Variants in MAGI3 observed in about 807,000 individuals in gnomAD.
MAGI3 encodes membrane-associated guanylate kinase, WW and PDZ domain-containing protein 3.
MAGI3 carries 43 observed loss-of-function variants against 121.8 expected under a neutral mutation model. That is an observed-to-expected ratio of 0.35 (90% CI 0.28 to 0.46). MAGI3 has a LOEUF of 0.46. Ranked by LOEUF, MAGI3 falls within the 20% of genes least tolerant of loss-of-function variation. MAGI3 has a pLI of 1.00. For synonymous variants in MAGI3, 553 were observed against 639.3 expected (o/e 0.86, Z 2.04); for missense variants, 1,547 against 1,797.3 (o/e 0.86, Z 2.52).
intron 1 of MAGI3, among the ~76,000 whole-genome samples, chr1:113,436,140 A>G (rs970610948): frequency 6.6e-6 from 1 of 152,170 alleles, no homozygotes; most frequent in South Asian, 2.1e-4. Context: ...ATTATAAATT[A>G]TCTTAACTAC....
intron 1 of MAGI3, among the ~76,000 whole-genome samples, chr1:113,462,485 A>G (rs534328344): frequency 1.3e-5 from 2 of 152,300 alleles, no homozygotes; most frequent in African/African-American, 4.8e-5. Context: ...GCATGTTCAC[A>G]CTTACAAGTG....
chr1:113,550,114 TAAA>T (rs746718813), intron 2 of MAGI3, among the ~76,000 whole-genome samples: 2 of 70,280 alleles, frequency 2.8e-5, no homozygotes, highest in Non-Finnish European at 2.9e-5. Flanking sequence ...ATACTCTGTC[TAAA>T]AAAAAAAAAA....
intron 9 of MAGI3, among the ~76,000 whole-genome samples, chr1:113,625,454 G>A (rs140899890): frequency 9.9e-5 from 15 of 152,194 alleles, no homozygotes; most frequent in African/African-American, 3.6e-4. Flanking sequence ...AATCTTATTT[G>A]TGGCTATTGT....
chr1:113,452,887 C>A (rs1383602522), intron 1 of MAGI3, among the ~76,000 whole-genome samples: 1 of 152,098 alleles, frequency 6.6e-6, no homozygotes, highest in Admixed American at 6.5e-5. Flanking sequence ...TTTCTTCCTT[C>A]AGTATCCCCA....
intron 1 of MAGI3, among the ~76,000 whole-genome samples, chr1:113,524,255 G>A (rs1009282658): frequency 2.6e-5 from 4 of 152,192 alleles, no homozygotes; most frequent in African/African-American, 9.7e-5. Flanking sequence ...TGTGGGGTGG[G>A]TATGCCCACA....
chr1:113,398,905 A>G (rs1651255264), intron 1 of MAGI3, among the ~76,000 whole-genome samples: 1 of 152,088 alleles, frequency 6.6e-6, no homozygotes, highest in South Asian at 2.1e-4. Flanking sequence ...TCAGCAGGAA[A>G]GAAAAAAATC....
At chr1:113,417,046 A>G (rs1652487087) in intron 1 of MAGI3, among the ~76,000 whole-genome samples, 1 of 151,998 alleles carries the variant, frequency 6.6e-6, no homozygotes, top group African/African-American at 2.4e-5. Context: ...TTATTTTAAA[A>G]TTTCATTTAT....
chr1:113,620,651 G>A (rs1650764038), intron 8 of MAGI3, among the ~76,000 whole-genome samples: 1 of 152,106 alleles, frequency 6.6e-6, no homozygotes, highest in Non-Finnish European at 1.5e-5. Flanking sequence ...CTAGGCTCTA[G>A]GTATTCAAAA....
intron 6 of MAGI3, among the ~76,000 whole-genome samples, chr1:113,605,579 T>C (rs1194539801): frequency 6.6e-6 from 1 of 152,174 alleles, no homozygotes; most frequent in African/African-American, 2.4e-5. Context: ...CAAAACCCAC[T>C]TTTTATAATT....
chr1:113,490,115 G>GA (rs1402954251), intron 1 of MAGI3, among the ~76,000 whole-genome samples: 1 of 152,034 alleles, frequency 6.6e-6, no homozygotes, highest in Non-Finnish European at 1.5e-5. Context: ...CAAAATGAAT[G>GA]AAAAAAATGT....
intron 11 of MAGI3, among the ~76,000 whole-genome samples, chr1:113,645,777 T>G (rs1652798060): frequency 6.6e-6 from 1 of 152,236 alleles, no homozygotes; most frequent in Non-Finnish European, 1.5e-5. Flanking sequence ...GAAAACGAGC[T>G]GGTCTCAAAA....
chr1:113,683,348 A>G lies in MAGI3; in HGVS notation c.3780A>G (p.Lys1260=). 1 of 1,614,020 alleles carries G rather than the reference A, an allele frequency of 6.2e-7. No individual in the cohort carries two copies. Among genetic ancestry groups the G allele is most frequent in the East Asian group, 2.2e-5 (1 of 44,884 alleles). ...GAGATCAATCCCTCAGCCCCAGCAA[A>G]GGGGAAAATAAAAGTTGTCAGGTCA... is the stretch of plus-strand genomic sequence containing the variant. The part of the protein sequence containing the change: ...RPRDQSLSPS[K]GENKSCQVST... Residue 1260 remains lysine (K), a synonymous_variant, in exon 21 of 21, where the codon AAA becomes AAG. Coordinates refer to ENST00000307546, the MANE Select transcript of MAGI3 (RefSeq NM_001142782.2).
At chr1:113,675,493 G>A (rs1034465261) in intron 19 of MAGI3, among the ~76,000 whole-genome samples, 6 of 152,158 alleles carry the variant, frequency 3.9e-5, no homozygotes, top group African/African-American at 1.4e-4. Context: ...TGAGGTGAAG[G>A]GAACAGCTAG....
At chr1:113,525,762 G>A (rs140272249) in intron 1 of MAGI3, among the ~76,000 whole-genome samples, 14 of 152,084 alleles carry the variant, frequency 9.2e-5, no homozygotes, top group East Asian at 7.7e-4. Context: ...CCAGAACTTC[G>A]GGAGGCTGAG....
At chr1:113,608,679 C>T (rs1265473121) in intron 6 of MAGI3, among the ~76,000 whole-genome samples, 1 of 152,120 alleles carries the variant, frequency 6.6e-6, no homozygotes, top group African/African-American at 2.4e-5. Flanking sequence ...TGTAAAACTC[C>T]CCAGTCAGAT....
At chr1:113,645,333 C>T (rs1269797195) in intron 11 of MAGI3, among the ~76,000 whole-genome samples, 2 of 152,048 alleles carry the variant, frequency 1.3e-5, no homozygotes, top group African/African-American at 2.4e-5. Flanking sequence ...CAGCTTCTGC[C>T]CTTTTCATTG....
At chr1:113,613,570 TTTC>T (rs1442375838) in intron 6 of MAGI3, among the ~76,000 whole-genome samples, 1 of 152,196 alleles carries the variant, frequency 6.6e-6, no homozygotes, top group Non-Finnish European at 1.5e-5. Flanking sequence ...CTTGTGATGC[TTTC>T]TAAACCTGTT....
At chr1:113,648,555 T>A (rs186355051) in intron 12 of MAGI3, among the ~76,000 whole-genome samples, 28 of 152,072 alleles carry the variant, frequency 1.8e-4, no homozygotes, top group African/African-American at 6.8e-4. Flanking sequence ...AACCTACCCT[T>A]TGAGGGTAGG....
rs1235175411 is a variant in MAGI3, at chr1:113,683,083, G to A, written c.3515G>A (p.Ser1172Asn). ...ELKDIVPEKK[S>N]TLNENQPEIK... Reference sequence around the variant, plus strand: ...AAGGACATTGTGCCTGAAAAGAAAAGCACTTTAAATGAAAATCAGCCTGAG... The same window carrying A: ...AAGGACATTGTGCCTGAAAAGAAAAACACTTTAAATGAAAATCAGCCTGAG... Residue 1172 changes from serine (S) to asparagine (N), a missense_variant, in exon 21 of 21, where the codon AGC becomes AAC. Transcript: ENST00000307546. The A allele has an allele frequency of 3.1e-6, 5 of 1,613,048 alleles. No homozygotes were observed. The highest frequency in any genetic ancestry group is 4.2e-6 in the Non-Finnish European group (5 of 1,179,662).
Sources: allele counts gnomAD v4.1 joint callset (sites outside exome capture counted in the v4.1 genomes callset), GRCh38; gene constraint gnomAD v4.1.1; transcripts MANE v1.5; gene names NCBI Gene and HGNC (gene_info 2026-07-23, HGNC 2026-07-21).